Variants in SEC24C observed in about 807,000 individuals in gnomAD.
SEC24C encodes the protein protein transport protein Sec24C.
Under a neutral mutation model 117.0 loss-of-function variants are expected in SEC24C, and 22 were observed. The observed-to-expected ratio is 0.19, with a 90% CI of 0.13 to 0.27. The LOEUF (loss-of-function observed/expected upper bound fraction) is 0.27, where lower values mean the gene tolerates loss of function less well. Among genes scored for constraint, SEC24C ranks in the 10% least tolerant of loss-of-function variants. The pLI is 1.00. For missense variants in SEC24C, 1,155 were observed against 1,375.1 expected (o/e 0.84, Z 2.53); for synonymous variants, 506 against 529.4 (o/e 0.96, Z 0.61).
chr10:73,767,421 C>T (rs142178313), intron 14 of SEC24C, among the ~76,000 whole-genome samples: 2,197 of 152,270 alleles, frequency 0.014, 27 homozygotes, highest in Non-Finnish European at 0.024. Context: ...GTAATCCGAG[C>T]GCTTTGGGAG....
In SEC24C at chr10:73,760,325, C is replaced by T; in HGVS notation, c.789C>T (p.Pro263=). 1.9e-6 allele frequency: 3 copies of T among 1,612,028 alleles called. No homozygotes were observed. The highest frequency in any genetic ancestry group is 1.1e-5 in the South Asian group (1 of 91,076). The change falls in exon 5 of 23, where the codon CCC becomes CCT. Residue 263 remains proline, a synonymous_variant. Coordinates refer to ENST00000345254, the MANE Select transcript of SEC24C (RefSeq NM_198597.3). ...CCCCTGGCACCCAGATGACTGGGCC[C>T]CTGGGACCACTGCCACCTATGCACT... The part of the protein sequence containing the change: ...ALPPGTQMTG[P]LGPLPPMHSP...
At chr10:73,764,948 G>A (rs2082858190) in intron 8 of SEC24C, among the ~76,000 whole-genome samples, 1 of 152,214 alleles carries the variant, frequency 6.6e-6, no homozygotes, top group African/African-American at 2.4e-5. Flanking sequence ...GGTCCCATTG[G>A]GGATAGTTGG....
At chr10:73,762,680 A>G (rs533242321) in intron 6 of SEC24C, among the ~76,000 whole-genome samples, 1 of 152,260 alleles carries the variant, frequency 6.6e-6, no homozygotes, top group African/African-American at 2.4e-5. Context: ...TGACTCTGAT[A>G]TATTTCTAAG....
At position 73,765,841 on chromosome 10, in the gene SEC24C, C is replaced by G; in HGVS notation, c.1408C>G (p.Arg470Gly). ...YFQHLDHTGK[R>G]VDAYDRPELS... is the part of the protein sequence containing the mutation. ...TCAGCACCTGGATCATACCGGCAAA[C>G]GTGTGGATGCTTATGACCGCCCTGA... The change falls in exon 10 of 23, where the codon CGT (arginine) becomes GGT (glycine). Residue 470 changes from arginine (R) to glycine (G), a missense_variant. Around this residue, in one of 2 missense-constraint regions of SEC24C, gnomAD observed 759 missense variants for 992.3 expected, o/e 0.76. Coordinates refer to ENST00000345254, the MANE Select transcript of SEC24C (RefSeq NM_198597.3). 6.2e-7 allele frequency: 1 copy of G among 1,614,088 alleles called. No homozygotes were observed. The highest frequency in any genetic ancestry group is 8.5e-7 in the Non-Finnish European group (1 of 1,180,004).
intron 1 of SEC24C, among the ~76,000 whole-genome samples, chr10:73,744,790 G>A (rs1039270089): frequency 6.6e-6 from 1 of 152,120 alleles, no homozygotes; most frequent in African/African-American, 2.4e-5. Context: ...ACTACTTTCA[G>A]AGTTCTAGGA....
Position 73,770,483 on chromosome 10 carries a change from G to C in SEC24C, c.3054+12G>C, listed in dbSNP as rs1250299225. 6.2e-7 allele frequency: 1 copy of C among 1,613,644 alleles called. No homozygotes were observed. The highest frequency in any genetic ancestry group is 2.2e-5 in the East Asian group (1 of 44,890). ...TCACCAGTGGTTTGGTGAGGGCAGG[G>C]AGTCAAGGAGAATATGGGTGTGGAA... is the stretch of plus-strand genomic sequence containing the variant. On this transcript the variant is annotated intron_variant, in intron 21 of 22. Coordinates refer to ENST00000345254, the MANE Select transcript of SEC24C (RefSeq NM_198597.3).
chr10:73,760,669 A>T, intron 5 of SEC24C, 44 bp from the exon 6 acceptor site: 1 of 1,532,508 alleles, frequency 6.5e-7, no homozygotes, highest in East Asian at 2.3e-5. Context: ...AAGAAGAGAT[A>T]GGGATGGGAT....
intron 8 of SEC24C, among the ~76,000 whole-genome samples, 154 bp from the exon 9 acceptor site, chr10:73,765,297 G>A (rs2082864754): frequency 6.6e-6 from 1 of 152,218 alleles, no homozygotes; most frequent in Non-Finnish European, 1.5e-5. Flanking sequence ...CCTGTGATTT[G>A]TCTTTACTCC....
At chr10:73,763,706 T>TTTTTTTAAAA in intron 7 of SEC24C, 105 bp downstream of exon 7, 1 of 681,258 alleles carries the variant, frequency 1.5e-6, no homozygotes, top group Non-Finnish European at 2.2e-6. Context: ...TTTTAGTTTT[T>TTTTTTTAAAA]AACCAGAGAC....
chr10:73,762,836 C>T (rs1413575245), intron 6 of SEC24C, among the ~76,000 whole-genome samples: 1 of 152,154 alleles, frequency 6.6e-6, no homozygotes, highest in Admixed American at 6.5e-5. Flanking sequence ...TTTTCCTTTG[C>T]TGAGTCTGTC....
At chr10:73,762,501 T>C (rs2082813501) in intron 6 of SEC24C, among the ~76,000 whole-genome samples, 1 of 152,172 alleles carries the variant, frequency 6.6e-6, no homozygotes, top group Non-Finnish European at 1.5e-5. Flanking sequence ...GAGGACAAAG[T>C]TGAACGGTAG....
intron 1 of SEC24C, among the ~76,000 whole-genome samples, chr10:73,744,933 C>T (rs531395734): frequency 4.6e-5 from 7 of 152,102 alleles, no homozygotes; most frequent in Non-Finnish European, 1.0e-4. Flanking sequence ...TTTCTTTACC[C>T]CTCCCCCCGG....
At chr10:73,758,106 G>A (rs2082739407) in intron 3 of SEC24C, among the ~76,000 whole-genome samples, 1 of 151,808 alleles carries the variant, frequency 6.6e-6, no homozygotes, top group Non-Finnish European at 1.5e-5. Flanking sequence ...ATGATGGTGG[G>A]CACCTGTAGT....
intron 6 of SEC24C, among the ~76,000 whole-genome samples, chr10:73,761,690 C>T (rs2082799575): frequency 6.6e-6 from 1 of 152,144 alleles, no homozygotes; most frequent in Non-Finnish European, 1.5e-5. Context: ...CCTTCCTTCC[C>T]CCTCCTTCAG....
At chr10:73,767,580 A>G (rs2082904223) in intron 14 of SEC24C, among the ~76,000 whole-genome samples, 1 of 152,134 alleles carries the variant, frequency 6.6e-6, no homozygotes, top group African/African-American at 2.4e-5. Context: ...AGGCAGGAGA[A>G]TCGCTTGAAC....
At chr10:73,761,711 A>G (rs1202399307) in intron 6 of SEC24C, among the ~76,000 whole-genome samples, 1 of 151,948 alleles carries the variant, frequency 6.6e-6, no homozygotes, top group Non-Finnish European at 1.5e-5. Flanking sequence ...TGAGAAGGAG[A>G]GTCTGGTTGG....
At chr10:73,762,112 G>T (rs1248358905) in intron 6 of SEC24C, 1 of 1,289,604 alleles carries the variant, frequency 7.8e-7, no homozygotes, top group African/African-American at 1.5e-5. Context: ...TCAGTGAGCT[G>T]CCTCCTCAGC....
chr10:73,749,444 T>G (rs1340952702), intron 2 of SEC24C, among the ~76,000 whole-genome samples: 1 of 152,212 alleles, frequency 6.6e-6, no homozygotes, highest in Non-Finnish European at 1.5e-5. Context: ...TTCCTCTGCT[T>G]CTTAGATGCT....
In SEC24C at chr10:73,748,766, G is replaced by A. The variant is rs958157579; in HGVS notation, c.172+1762G>A. Among the ~76,000 whole-genome samples, 5 of 148,976 alleles carry A rather than the reference G, an allele frequency of 3.4e-5. No homozygotes were observed. In the East Asian group the frequency reaches 1.0e-3, roughly 30 times the overall value. On this transcript the variant is annotated intron_variant, in intron 2 of 22. Coordinates refer to ENST00000345254, the MANE Select transcript of SEC24C (RefSeq NM_198597.3). Reference sequence around the variant, plus strand: ...TTTTTTCTTTTTTATTTTTGAGCTGGAGTTTGGCTCTTGTTACCCAGGCTG... The same window carrying A: ...TTTTTTCTTTTTTATTTTTGAGCTGAAGTTTGGCTCTTGTTACCCAGGCTG...
Sources: gnomAD v4.1 joint callset for allele counts (sites outside exome capture counted in the v4.1 genomes callset) on GRCh38, gnomAD v4.1.1 for gene constraint, gnomAD v4.1.1 regional missense constraint, MANE v1.5 for transcripts, NCBI Gene and HGNC (gene_info 2026-07-23, HGNC 2026-07-21) for gene names.